The following SNX18 variants were observed in gnomAD, a reference collection of about 807,000 sequenced individuals.
SNX18 encodes the protein sorting nexin-18.
Under a neutral mutation model 48.7 loss-of-function variants are expected in SNX18, and 35 were observed. The ratio of observed to expected loss-of-function variants is 0.72; its 90% confidence interval spans 0.55 to 0.95. The LOEUF is 0.95. Ranked by LOEUF, SNX18 falls within the 40% of genes least tolerant of loss-of-function variation. The pLI is 0.00. For missense variants in SNX18, 824 were observed against 871.0 expected (o/e 0.95, Z 0.68); for synonymous variants, 492 against 384.7 (o/e 1.28, Z -3.26).
At chr5:54,548,656 C>T (rs1762610487), downstream of SNX18, among the ~76,000 whole-genome samples, 1 of 152,168 alleles carries the variant, frequency 6.6e-6, no homozygotes, top group Admixed American at 6.5e-5. Flanking sequence ...AAGCCTTAAC[C>T]ATTTTGCAAT....
chr5:54,546,691 CAT>C (rs1345912497), downstream of SNX18: 33 of 152,292 alleles, frequency 2.2e-4, no homozygotes, highest in African/African-American at 7.5e-4. Flanking sequence ...TCTTGAGCTT[CAT>C]CTGCAGTTAC....
chr5:54,539,914 CG>C (rs1762432373), intron 1 of SNX18, among the ~76,000 whole-genome samples: 1 of 151,764 alleles, frequency 6.6e-6, no homozygotes, highest in African/African-American at 2.4e-5. Flanking sequence ...TCTTGTTGCC[CG>C]GGCTGGAGTG....
intron 1 of SNX18, among the ~76,000 whole-genome samples, chr5:54,522,865 C>T (rs1762057212): frequency 6.6e-6 from 1 of 152,176 alleles, no homozygotes; most frequent in Non-Finnish European, 1.5e-5. Context: ...ATACTTTCTG[C>T]AGAAGTGAAG....
rs1762383876 is a variant in SNX18, at chr5:54,537,749, T to A, written c.1622-5430T>A. 2.0e-5 allele frequency among the ~76,000 whole-genome samples: 3 copies of A among 152,308 alleles called. No homozygotes were observed. The South Asian group carries it at 6.2e-4, about 32-fold the overall frequency. Reference sequence around the variant, plus strand: ...AGAGCTTTCAATGCTATTGCCTGTTTTCATATTGATTCCATCATGAAAAAT... The same window carrying A: ...AGAGCTTTCAATGCTATTGCCTGTTATCATATTGATTCCATCATGAAAAAT... On this transcript the variant is annotated intron_variant, in intron 1 of 1. Transcript: ENST00000381410.
the SNX18 span, among the ~76,000 whole-genome samples, chr5:54,564,892 C>A: frequency 5.0e-3 from 746 of 150,268 alleles, 6 homozygotes; most frequent in African/African-American, 0.017. Flanking sequence ...AACAAACAAA[C>A]AAAAAAAGAT....
chr5:54,634,783 A>C, the SNX18 span, among the ~76,000 whole-genome samples: 1 of 152,346 alleles, frequency 6.6e-6, no homozygotes, highest in East Asian at 1.9e-4. Context: ...TGAAAGACAT[A>C]TAATACATTT....
chr5:54,518,303 C>A lies in SNX18; in HGVS notation c.351C>A (p.Ser117Arg). ...AGCCACAGCAGGCGCCGCCTCCGAG[C>A]ACCTTCCAGCCGCCCGGCGCGGGCT... ...LLQPQQAPPP[S>R]TFQPPGAGFP... Residue 117 changes from serine (S) to arginine (R), a missense_variant, in exon 1 of 2, where the codon AGC (serine) becomes AGA (arginine). Coordinates refer to ENST00000381410, the MANE Select transcript of SNX18 (RefSeq NM_001102575.2). 1 of 1,523,934 alleles carries A rather than the reference C, an allele frequency of 6.6e-7. No homozygotes were observed. The allele number at this position is 1,523,934 out of a possible 1,614,324, so 94.4% of individuals were successfully genotyped here.
At chr5:54,603,128 C>T in the SNX18 span, among the ~76,000 whole-genome samples, 32 of 151,386 alleles carry the variant, frequency 2.1e-4, no homozygotes, top group East Asian at 3.5e-3. Context: ...ATGGTATCTG[C>T]GTATAATTTA....
the SNX18 span, among the ~76,000 whole-genome samples, chr5:54,620,146 G>A: frequency 6.6e-6 from 1 of 152,210 alleles, no homozygotes; most frequent in South Asian, 2.1e-4. Flanking sequence ...AGTTAAGGAA[G>A]CAGATGTCAC....
At chr5:54,622,227 G>A in the SNX18 span, among the ~76,000 whole-genome samples, 3 of 152,246 alleles carry the variant, frequency 2.0e-5, no homozygotes, top group Admixed American at 2.0e-4. Context: ...GGCCAGACAT[G>A]GTGGCTCACG....
the SNX18 span, among the ~76,000 whole-genome samples, chr5:54,614,884 T>G: frequency 2.0e-5 from 3 of 152,164 alleles, no homozygotes; most frequent in African/African-American, 7.2e-5. Context: ...AGCACTAACT[T>G]AAACTGTCGT....
At chr5:54,613,961 G>T in the SNX18 span, among the ~76,000 whole-genome samples, 2 of 152,204 alleles carry the variant, frequency 1.3e-5, no homozygotes, top group South Asian at 2.1e-4. Flanking sequence ...TCTCAAAAGT[G>T]CTGGGATTAT....
the SNX18 span, among the ~76,000 whole-genome samples, chr5:54,588,755 A>G: frequency 6.6e-6 from 1 of 152,214 alleles, no homozygotes; most frequent in Admixed American, 6.5e-5. Context: ...GCATTTTATC[A>G]GACCAGCCAC....
At chr5:54,585,827 C>T in the SNX18 span, among the ~76,000 whole-genome samples, 3 of 151,920 alleles carry the variant, frequency 2.0e-5, no homozygotes, top group South Asian at 6.2e-4. Flanking sequence ...CATGGTGAAA[C>T]CCCGTCTCTA....
At chr5:54,630,781 C>A in the SNX18 span, among the ~76,000 whole-genome samples, 2 of 146,924 alleles carry the variant, frequency 1.4e-5, no homozygotes, top group African/African-American at 5.1e-5. Flanking sequence ...TTGCAGTGAG[C>A]CAAGATCGCC....
At chr5:54,559,881 T>C in the SNX18 span, among the ~76,000 whole-genome samples, 1 of 151,672 alleles carries the variant, frequency 6.6e-6, no homozygotes, top group Non-Finnish European at 1.5e-5. Context: ...AATAACCCCA[T>C]GAAAAAGTGG....
chr5:54,626,104 C>A, the SNX18 span, among the ~76,000 whole-genome samples: 3 of 152,144 alleles, frequency 2.0e-5, no homozygotes, highest in African/African-American at 7.2e-5. Context: ...CTAACTTAAG[C>A]TACCTTAAGC....
intron 1 of SNX18, among the ~76,000 whole-genome samples, chr5:54,534,554 G>A (rs1425072153): frequency 6.6e-6 from 1 of 152,078 alleles, no homozygotes; most frequent in East Asian, 1.9e-4. Flanking sequence ...CAGTGTATGA[G>A]GGCTTTTTTT....
At chr5:54,550,172 A>T (rs1762629309), downstream of SNX18, among the ~76,000 whole-genome samples, 1 of 152,230 alleles carries the variant, frequency 6.6e-6, no homozygotes. Flanking sequence ...CCAGATGCTA[A>T]CTACATATTC....
Sources: gnomAD v4.1 joint callset for allele counts (sites outside exome capture counted in the v4.1 genomes callset) on GRCh38, gnomAD v4.1.1 for gene constraint, MANE v1.5 for transcripts, NCBI Gene and HGNC (gene_info 2026-07-23, HGNC 2026-07-21) for gene names.